SMDT1: variants seen among roughly 807,000 people sequenced by gnomAD.
SMDT1 encodes the protein essential MCU regulator, mitochondrial.
Under a neutral mutation model 5.9 loss-of-function variants are expected in SMDT1, and 6 were observed. That is an observed-to-expected ratio of 1.03 (90% CI 0.56 to 2.02). The LOEUF is 2.02. Among genes scored for constraint, SMDT1 ranks in the 30% most tolerant of loss-of-function variants. The pLI is 0.00. For missense variants in SMDT1, 159 were observed against 145.6 expected (o/e 1.09, Z -0.47); for synonymous variants, 81 against 62.4 (o/e 1.30, Z -1.40).
rs182402052 is a variant in SMDT1 at position 42,080,549 on chromosome 22, C to G, written c.186+595C>G. On this transcript the variant is annotated intron_variant, in intron 1 of 2. Coordinates refer to ENST00000331479, the MANE Select transcript of SMDT1 (RefSeq NM_033318.5). ...CGTCCCCACCAGGTCCTGTCTTTTT[C>G]CAACACTGAACGCTATCACATGCTT... 2.2e-3 allele frequency among the ~76,000 whole-genome samples: 329 copies of G among 152,250 alleles called. 1 individual carries two copies. Among genetic ancestry groups the G allele is most frequent in the African/African-American group, 7.7e-3 (319 of 41,536 alleles).
At position 42,083,398 on chromosome 22, in the gene SMDT1, G is replaced by C. The variant is rs1045458046; in HGVS notation, c.*283G>C. 10 of 152,248 alleles carry C rather than the reference G, an allele frequency of 6.6e-5. No individual in the cohort carries two copies. The highest frequency in any genetic ancestry group is 1.4e-4 in the African/African-American group (6 of 41,446). The allele number at this position is 152,248 out of a possible 1,614,324, so 9.4% of individuals were successfully genotyped here. A position where few individuals can be genotyped will look rare whatever the true frequency, so the allele number is the denominator to read the frequency against. ...TGGCTGCAGTTTCTCAGTATCCCTA[G>C]GTTCTAGTTGGTGCAGTTGTCTCTG... is the stretch of plus-strand genomic sequence containing the variant. On this transcript the variant is annotated 3_prime_UTR_variant, in exon 3 of 3. Transcript: ENST00000331479.
At position 42,079,756 on chromosome 22, in the gene SMDT1, C is replaced by G. The variant is rs745600257; in HGVS notation, c.-13C>G. 1.3e-5 allele frequency: 20 copies of G among 1,597,560 alleles called. No individual in the cohort carries two copies. Among genetic ancestry groups the G allele is most frequent in the Non-Finnish European group, 1.7e-5 (20 of 1,174,868 alleles). ...GGGGTGCGGGTGCCCGGGTGAGGGG[C>G]GGAGCTGGGGGCATGGCGTCCGGAG... is the stretch of plus-strand genomic sequence containing the variant. On this transcript the variant is annotated 5_prime_UTR_variant, in exon 1 of 3. Coordinates refer to ENST00000331479, the MANE Select transcript of SMDT1 (RefSeq NM_033318.5).
intron 1 of SMDT1, among the ~76,000 whole-genome samples, chr22:42,080,377 T>C (rs1927686581): frequency 6.6e-6 from 1 of 152,232 alleles, no homozygotes; most frequent in Non-Finnish European, 1.5e-5. Flanking sequence ...TGTCACCTAA[T>C]ATTTAATTCA....
chr22:42,081,835 C>T (rs993660873), intron 1 of SMDT1, 90 bp from the exon 2 acceptor site: 11 of 1,498,792 alleles, frequency 7.3e-6, no homozygotes, highest in Non-Finnish European at 1.0e-5. Flanking sequence ...TATGATGGGT[C>T]TGAGGGTATG....
Position 42,079,746 on chromosome 22 carries a change from G to A in SMDT1, c.-23G>A, listed in dbSNP as rs757074571. On this transcript the variant is annotated 5_prime_UTR_variant, in exon 1 of 3. Transcript: ENST00000331479. The stretch of plus-strand genomic sequence containing the variant: ...GCTGGGCGGTGGGGTGCGGGTGCCC[G>A]GGTGAGGGGCGGAGCTGGGGGCATG... 2 of 1,591,428 alleles carry A rather than the reference G, an allele frequency of 1.3e-6. No homozygotes were observed. The highest frequency in any genetic ancestry group is 1.3e-5 in the African/African-American group (1 of 74,554).
At chr22:42,082,983 G>A (rs1043141237) in intron 2 of SMDT1, 136 bp from the exon 3 acceptor site, 5 of 152,204 alleles carry the variant, frequency 3.3e-5, no homozygotes, top group Non-Finnish European at 7.3e-5. Flanking sequence ...CAGTTAACGT[G>A]CGCATGAACA....
rs753245971 is a variant in SMDT1, at chr22:42,079,820, G to A, written c.52G>A (p.Ala18Thr). 3 of 1,612,930 alleles carry A rather than the reference G, an allele frequency of 1.9e-6. No individual in the cohort carries two copies. The highest frequency in any genetic ancestry group is 1.7e-5 in the Admixed American group (1 of 59,994). Residue 18 changes from alanine (A) to threonine (T), a missense_variant, in exon 1 of 3, where the codon GCT (alanine) becomes ACT (threonine). Physicochemically the swap from Ala to Thr is moderately conservative, Grantham distance 58. Transcript: ENST00000331479. ...WLVLAPVRSG[A>T]LRSGPSLRKD... is the part of the protein sequence containing the mutation. Reference sequence around the variant, plus strand: ...AGTATTGGCACCCGTCAGGTCCGGGGCTCTCCGGAGCGGGCCTAGCTTGAG... The same window carrying A: ...AGTATTGGCACCCGTCAGGTCCGGGACTCTCCGGAGCGGGCCTAGCTTGAG...
At chr22:42,081,708 C>G (rs892549946) in intron 1 of SMDT1, among the ~76,000 whole-genome samples, 3 of 152,060 alleles carry the variant, frequency 2.0e-5, no homozygotes, top group Non-Finnish European at 1.5e-5. Context: ...GTGGTCCACC[C>G]ACCTCAGCCT....
chr22:42,080,003 T>G (rs779531842), intron 1 of SMDT1, 49 bp downstream of exon 1: 138 of 1,553,448 alleles, frequency 8.9e-5, no homozygotes, highest in Non-Finnish European at 1.2e-4. Context: ...CCAATCATTG[T>G]GGGGAGTGCG....
chr22:42,080,519 G>A (rs1927697562), intron 1 of SMDT1, among the ~76,000 whole-genome samples: 1 of 152,132 alleles, frequency 6.6e-6, no homozygotes, highest in African/African-American at 2.4e-5. Flanking sequence ...GTTTCTTCCT[G>A]GTACCGTCCC....
Position 42,079,791 on chromosome 22 carries a change from G to T in SMDT1, c.23G>T (p.Trp8Leu), listed in dbSNP as rs1927602722. 6.2e-7 allele frequency: 1 copy of T among 1,608,936 alleles called. No individual in the cohort carries two copies. The highest frequency in any genetic ancestry group is 1.7e-5 in the Admixed American group (1 of 59,916). ...GGCATGGCGTCCGGAGCGGCTCGCT[G>T]GCTAGTATTGGCACCCGTCAGGTCC... MASGAAR[W>L]LVLAPVRSGA... is the part of the protein sequence containing the mutation. The change falls in exon 1 of 3, where the codon TGG becomes TTG. Residue 8 changes from tryptophan to leucine, a missense_variant. Transcript: ENST00000331479.
intron 1 of SMDT1, 102 bp downstream of exon 1, chr22:42,080,056 G>C (rs537676982): frequency 1.6e-6 from 2 of 1,280,716 alleles, no homozygotes; most frequent in Non-Finnish European, 2.1e-6. Context: ...CAATCATAAC[G>C]ATTACCGTAG....
Position 42,079,821 on chromosome 22 carries a change from C to T in SMDT1, c.53C>T (p.Ala18Val), listed in dbSNP as rs756814054. ...GTATTGGCACCCGTCAGGTCCGGGG[C>T]TCTCCGGAGCGGGCCTAGCTTGAGG... ...WLVLAPVRSG[A>V]LRSGPSLRKD... The change falls in exon 1 of 3, where the codon GCT becomes GTT. Residue 18 changes from alanine to valine, a missense_variant. Ala to Val is a moderately conservative substitution (Grantham distance 64). Coordinates refer to ENST00000331479, the MANE Select transcript of SMDT1 (RefSeq NM_033318.5). 10 of 1,612,984 alleles carry T rather than the reference C, an allele frequency of 6.2e-6. No individual in the cohort carries two copies. The highest frequency in any genetic ancestry group is 2.7e-5 in the African/African-American group (2 of 74,924).
At chr22:42,080,307 A>ATT (rs1229834407) in intron 1 of SMDT1, among the ~76,000 whole-genome samples, 12 of 152,244 alleles carry the variant, frequency 7.9e-5, no homozygotes, top group South Asian at 6.2e-4. Context: ...ATGAAATATG[A>ATT]ATTTTGAAAG....
Position 42,079,935 on chromosome 22 carries a change from T to G in SMDT1, c.167T>G (p.Ile56Ser). ...GTCATCGTTACCCGCAGCGGCGCCA[T>G]TTTGCCCAAACCGGTGAAAGTGAGT... The part of the protein sequence containing the change: ...RSVIVTRSGA[I>S]LPKPVKMSFG... Residue 56 changes from isoleucine to serine, a missense_variant, in exon 1 of 3, where the codon ATT becomes AGT. Transcript: ENST00000331479. The G allele has an allele frequency of 4.3e-6, 7 of 1,612,456 alleles. No homozygotes were observed. The highest frequency in any genetic ancestry group is 5.1e-6 in the Non-Finnish European group (6 of 1,179,010).
chr22:42,081,603 G>A (rs934362069), intron 1 of SMDT1, among the ~76,000 whole-genome samples: 4 of 151,928 alleles, frequency 2.6e-5, no homozygotes, highest in African/African-American at 9.7e-5. Flanking sequence ...TGGGATTACA[G>A]GTGCGCACCA....
At position 42,084,244 on chromosome 22, in the gene SMDT1, G is replaced by C. The variant is rs1261248947; in HGVS notation, c.*1129G>C. 1.3e-5 allele frequency: 2 copies of C among 152,170 alleles called. No individual in the cohort carries two copies. The highest frequency in any genetic ancestry group is 2.9e-5 in the Non-Finnish European group (2 of 68,042). 9.4% of individuals were successfully genotyped at this position (152,170 alleles called of 1,614,324 possible). On this transcript the variant is annotated 3_prime_UTR_variant, in exon 3 of 3. Transcript: ENST00000331479. ...CCTCACCCTATGCATCTCTTCAGCT[G>C]TATCTTTTGTGATATCCTTTATAAT...
chr22:42,082,442 C>T (rs1352492612), intron 2 of SMDT1, among the ~76,000 whole-genome samples: 4 of 152,188 alleles, frequency 2.6e-5, no homozygotes, highest in African/African-American at 9.7e-5. Context: ...CTCAGGTGAT[C>T]CACCCACCTT....
chr22:42,080,242 T>G (rs564200716), intron 1 of SMDT1, among the ~76,000 whole-genome samples: 1 of 152,316 alleles, frequency 6.6e-6, no homozygotes, highest in South Asian at 2.1e-4. Flanking sequence ...GGCCGTGTGC[T>G]TCTAGCTTAG....
Sources: allele counts gnomAD v4.1 joint callset (sites outside exome capture counted in the v4.1 genomes callset), GRCh38; gene constraint gnomAD v4.1.1; transcripts MANE v1.5; gene names NCBI Gene and HGNC (gene_info 2026-07-23, HGNC 2026-07-21).